The following RPS6KC1 variants were observed in gnomAD, a reference collection of about 807,000 sequenced individuals.
RPS6KC1 encodes the protein ribosomal protein S6 kinase C1.
Under a neutral mutation model 103.8 loss-of-function variants are expected in RPS6KC1, and 54 were observed. That is an observed-to-expected ratio of 0.52 (90% CI 0.42 to 0.65). The LOEUF is 0.65. RPS6KC1 is among the 30% of genes least tolerant of loss of function. The pLI is 0.00. For missense variants in RPS6KC1, 1,151 were observed against 1,253.8 expected (o/e 0.92, Z 1.24); for synonymous variants, 439 against 438.7 (o/e 1.00, Z -0.01).
the RPS6KC1 span, among the ~76,000 whole-genome samples, chr1:213,573,274 T>C: frequency 1.3e-5 from 2 of 152,330 alleles, no homozygotes; most frequent in South Asian, 2.1e-4. Context: ...CCAGGGCTTA[T>C]AGACACCTGG....
intron 6 of RPS6KC1, among the ~76,000 whole-genome samples, chr1:213,138,697 T>A (rs1558398099): frequency 6.6e-6 from 1 of 152,242 alleles, no homozygotes; most frequent in Non-Finnish European, 1.5e-5. Flanking sequence ...CTCATTTTTT[T>A]AAATAGCTGC....
the RPS6KC1 span, among the ~76,000 whole-genome samples, chr1:213,753,732 T>C: frequency 7.3e-4 from 111 of 152,316 alleles, no homozygotes; most frequent in South Asian, 1.0e-3. Context: ...GCACATCTAT[T>C]TCTATGAATC....
chr1:213,487,489 T>A, the RPS6KC1 span, among the ~76,000 whole-genome samples: 1 of 141,334 alleles, frequency 7.1e-6, no homozygotes, highest in Non-Finnish European at 1.6e-5. Context: ...AATAGCAGCC[T>A]GAGTGATTTT....
the RPS6KC1 span, among the ~76,000 whole-genome samples, chr1:213,479,911 A>T: frequency 2.6e-5 from 4 of 151,944 alleles, no homozygotes; most frequent in Admixed American, 1.3e-4. Context: ...TATTTTATAC[A>T]AAGGTACCCT....
chr1:213,168,790 T>C (rs1274107534), intron 7 of RPS6KC1, among the ~76,000 whole-genome samples: 2 of 151,998 alleles, frequency 1.3e-5, no homozygotes, highest in Admixed American at 6.6e-5. Flanking sequence ...CCCGGCTAAC[T>C]TTTTTGTATT....
the RPS6KC1 span, among the ~76,000 whole-genome samples, chr1:213,343,141 T>C: frequency 6.6e-6 from 1 of 151,086 alleles, no homozygotes; most frequent in Non-Finnish European, 1.5e-5. Flanking sequence ...ATTTTTAGAA[T>C]TGAAAAAAAT....
the RPS6KC1 span, among the ~76,000 whole-genome samples, chr1:213,338,428 G>T: frequency 1.3e-5 from 2 of 152,068 alleles, no homozygotes; most frequent in Admixed American, 1.3e-4. Context: ...ATTCATATTT[G>T]TTGGATTTGC....
the RPS6KC1 span, among the ~76,000 whole-genome samples, chr1:213,499,550 C>T: frequency 1.3e-5 from 2 of 152,166 alleles, no homozygotes; most frequent in African/African-American, 4.8e-5. Context: ...GTTCTGTGCT[C>T]CTATGAGACT....
chr1:213,581,944 C>T, the RPS6KC1 span, among the ~76,000 whole-genome samples: 1 of 151,962 alleles, frequency 6.6e-6, no homozygotes, highest in African/African-American at 2.4e-5. Context: ...TCACTTCCTC[C>T]AAGCAAAAGC....
the RPS6KC1 span, among the ~76,000 whole-genome samples, chr1:213,401,005 C>T: frequency 6.6e-6 from 1 of 152,126 alleles, no homozygotes; most frequent in African/African-American, 2.4e-5. Flanking sequence ...CCGTGCTCGT[C>T]CCCTTTTGTT....
At chr1:213,095,342 A>G (rs951790450) in intron 3 of RPS6KC1, among the ~76,000 whole-genome samples, 4 of 152,218 alleles carry the variant, frequency 2.6e-5, no homozygotes, top group African/African-American at 9.6e-5. Context: ...ATACTGGTCA[A>G]GGATAAGTTT....
chr1:213,117,049 A>G (rs529572383), intron 4 of RPS6KC1, among the ~76,000 whole-genome samples: 4 of 152,308 alleles, frequency 2.6e-5, no homozygotes, highest in African/African-American at 9.6e-5. Flanking sequence ...AAAATTGTGC[A>G]GAAAGTACAG....
At chr1:213,778,160 G>T in the RPS6KC1 span, among the ~76,000 whole-genome samples, 1 of 152,220 alleles carries the variant, frequency 6.6e-6, no homozygotes, top group Non-Finnish European at 1.5e-5. Context: ...GAGGTGGAAA[G>T]TAGAAGGAGT....
chr1:213,068,867 GTA>G (rs1355067233), intron 1 of RPS6KC1, among the ~76,000 whole-genome samples: 13 of 112,484 alleles, frequency 1.2e-4, no homozygotes, highest in African/African-American at 2.4e-4. Flanking sequence ...AAAAAAAAGT[GTA>G]TATATGTGTG....
chr1:213,176,538 C>T, intron 8 of RPS6KC1, 46 bp downstream of exon 8: 1 of 1,239,224 alleles, frequency 8.1e-7, no homozygotes, highest in East Asian at 2.4e-5. Context: ...AAATCGACTG[C>T]ATGCTGACAT....
the RPS6KC1 span, among the ~76,000 whole-genome samples, chr1:213,768,640 A>T: frequency 1.5e-3 from 234 of 152,316 alleles, no homozygotes; most frequent in Non-Finnish European, 2.7e-3. Flanking sequence ...GGCACCCCCA[A>T]CTCTGATCTC....
the RPS6KC1 span, among the ~76,000 whole-genome samples, chr1:213,575,204 T>C: frequency 6.6e-6 from 1 of 152,142 alleles, no homozygotes; most frequent in African/African-American, 2.4e-5. Flanking sequence ...TGTATATATA[T>C]ATATATTTAA....
chr1:213,705,243 T>A, the RPS6KC1 span, among the ~76,000 whole-genome samples: 1 of 152,086 alleles, frequency 6.6e-6, no homozygotes, highest in African/African-American at 2.4e-5. Flanking sequence ...GGTCCAGAGG[T>A]GCTGTCCGGG....
the RPS6KC1 span, among the ~76,000 whole-genome samples, chr1:213,368,958 C>T: frequency 6.6e-6 from 1 of 152,210 alleles, no homozygotes; most frequent in African/African-American, 2.4e-5. Flanking sequence ...TGAGGCCCAC[C>T]ATAGCAAAGT....
Sources: gnomAD v4.1 joint callset for allele counts (sites outside exome capture counted in the v4.1 genomes callset) on GRCh38, gnomAD v4.1.1 for gene constraint, MANE v1.5 for transcripts, NCBI Gene and HGNC (gene_info 2026-07-23, HGNC 2026-07-21) for gene names.